CALD1: variants seen among roughly 807,000 people sequenced by gnomAD.
CALD1 encodes the protein caldesmon 1, also known as caldesmon.
A neutral mutation model predicts 99.9 loss-of-function variants in CALD1; 33 were observed. That is an observed-to-expected ratio of 0.33 (90% confidence interval 0.25 to 0.44). CALD1 has a LOEUF of 0.44. CALD1 is among the 20% of genes least tolerant of loss of function. The probability of loss-of-function intolerance (pLI) is 1.00; values close to 1 mark genes in which losing one functional copy is unlikely to be tolerated. For missense variants in CALD1, 861 were observed against 962.1 expected, an observed-to-expected ratio of 0.89 and a Z score of 1.39; for synonymous variants, 310 against 325.0, an observed-to-expected ratio of 0.95 and a Z score of 0.50.
At chr7:134,943,119 G>C (rs1806582966) in intron 7 of CALD1, among the ~76,000 whole-genome samples, 1 of 152,170 alleles carries the variant, frequency 6.6e-6, no homozygotes, top group Non-Finnish European at 1.5e-5. Flanking sequence ...AAGTAGAGAA[G>C]TATAGTTTTG....
chr7:134,826,715 A>T lies in CALD1; in HGVS notation c.-129-17169A>T, dbSNP rs118042600. Among the ~76,000 whole-genome samples the T allele has an allele frequency of 5.3e-5, 8 of 152,278 alleles. No homozygotes were observed. In the East Asian group the frequency reaches 1.5e-3, roughly 29 times the overall value. Reference sequence around the variant, plus strand: ...GATATGCCCAAATTGTTCCTGGATTATTCTTTCATTTCAGATCCAAATAAA... The same window carrying T: ...GATATGCCCAAATTGTTCCTGGATTTTTCTTTCATTTCAGATCCAAATAAA... On this transcript the variant is annotated intron_variant, in intron 1 of 14. Coordinates refer to ENST00000361675, the MANE Select transcript of CALD1 (RefSeq NM_033138.4).
intron 1 of CALD1, 91 bp downstream of exon 1, chr7:134,779,840 G>T: frequency 2.5e-6 from 1 of 396,022 alleles, no homozygotes; most frequent in Non-Finnish European, 4.4e-6. Context: ...TAAGGTAGCT[G>T]GAGATGCAAG....
intron 1 of CALD1, among the ~76,000 whole-genome samples, chr7:134,760,294 G>C (rs1796764861): frequency 6.6e-6 from 1 of 152,236 alleles, no homozygotes; most frequent in Non-Finnish European, 1.5e-5. Flanking sequence ...GCAGAAGAAT[G>C]GATTGAGGGT....
At position 134,862,417 on chromosome 7, in the gene CALD1, T is replaced by C. The variant is rs543652031; in HGVS notation, c.-41-5276T>C. 2.6e-5 allele frequency among the ~76,000 whole-genome samples: 4 copies of C among 152,302 alleles called. No individual in the cohort carries two copies. The South Asian group carries it at 8.3e-4, about 32-fold the overall frequency. On this transcript the variant is annotated intron_variant, in intron 2 of 14. Coordinates refer to ENST00000361675, the MANE Select transcript of CALD1 (RefSeq NM_033138.4). Reference sequence around the variant, plus strand: ...GCAGAGCTATCAGCCATGAAAAGACTTGAAGGAAACTTAAATGTGTGTTGT... The same window carrying C: ...GCAGAGCTATCAGCCATGAAAAGACCTGAAGGAAACTTAAATGTGTGTTGT...
At chr7:134,824,895 TC>T (rs1436806094) in intron 1 of CALD1, among the ~76,000 whole-genome samples, 1 of 152,168 alleles carries the variant, frequency 6.6e-6, no homozygotes, top group African/African-American at 2.4e-5. Context: ...AGATCTGAGC[TC>T]CAGGGCCTGA....
chr7:134,717,220 A>G, the CALD1 span, among the ~76,000 whole-genome samples: 1 of 152,148 alleles, frequency 6.6e-6, no homozygotes, highest in Non-Finnish European at 1.5e-5. Flanking sequence ...ATGAACTAAA[A>G]TCCATGGTTT....
chr7:134,916,335 G>A (rs532212870), intron 3 of CALD1, among the ~76,000 whole-genome samples: 1 of 152,184 alleles, frequency 6.6e-6, no homozygotes, highest in South Asian at 2.1e-4. Flanking sequence ...AGGGGTACAA[G>A]AGGGAGGAAC....
At chr7:134,937,276 T>G (rs1806052921) in intron 6 of CALD1, among the ~76,000 whole-genome samples, 1 of 152,202 alleles carries the variant, frequency 6.6e-6, no homozygotes, top group Non-Finnish European at 1.5e-5. Flanking sequence ...TCCTTTTGTC[T>G]CTTTTCAGAT....
chr7:134,904,819 G>A (rs1333809465), intron 3 of CALD1, among the ~76,000 whole-genome samples: 3 of 152,096 alleles, frequency 2.0e-5, no homozygotes, highest in Admixed American at 6.5e-5. Flanking sequence ...GAACAGAAAA[G>A]GGGATTATCC....
intron 3 of CALD1, among the ~76,000 whole-genome samples, chr7:134,878,571 GA>G (rs1209303200): frequency 1.3e-5 from 2 of 151,974 alleles, no homozygotes; most frequent in Non-Finnish European, 2.9e-5. Context: ...CCTGCCTCAA[GA>G]AAAAATAAAA....
chr7:134,777,338 A>AC (rs1796926361), upstream of CALD1, among the ~76,000 whole-genome samples: 1 of 152,220 alleles, frequency 6.6e-6, no homozygotes, highest in Non-Finnish European at 1.5e-5. Context: ...TCACTCATCT[A>AC]CTATACCCTA....
At chr7:134,931,112 C>A (rs1423460091) in intron 4 of CALD1, among the ~76,000 whole-genome samples, 5 of 150,874 alleles carry the variant, frequency 3.3e-5, no homozygotes, top group Non-Finnish European at 7.4e-5. Flanking sequence ...TTTAGAAAAT[C>A]ATATTGAGGT....
chr7:134,953,409 G>A (rs773195948), intron 9 of CALD1, among the ~76,000 whole-genome samples: 2 of 152,080 alleles, frequency 1.3e-5, no homozygotes. Context: ...CTGGGAGGCA[G>A]AGGTTAGCTG....
At position 134,891,540 on chromosome 7, in the gene CALD1, G is replaced by A; in HGVS notation, c.71+23736G>A. The A allele has an allele frequency of 2.6e-6, 4 of 1,533,256 alleles. No homozygotes were observed. In the South Asian group the frequency reaches 3.7e-5, roughly 14 times the overall value. The allele number at this position is 1,533,256 out of a possible 1,614,324, so 95.0% of individuals were successfully genotyped here. ...GCCACAGATCACATGGCCCCTCCGCGGGCCCAGCCCACGCCCTGACCGCCC... is the reference window on the plus strand; with the variant it reads ...GCCACAGATCACATGGCCCCTCCGCAGGCCCAGCCCACGCCCTGACCGCCC... On this transcript the variant is annotated intron_variant, in intron 3 of 14. Transcript: ENST00000361675.
At chr7:134,931,997 C>T (rs1446910800) in intron 4 of CALD1, among the ~76,000 whole-genome samples, 2 of 152,196 alleles carry the variant, frequency 1.3e-5, no homozygotes, top group Non-Finnish European at 2.9e-5. Flanking sequence ...AACCAGCCAC[C>T]TGTCTTCTTT....
At chr7:134,829,469 CAAGT>C (rs1412474725) in intron 1 of CALD1, among the ~76,000 whole-genome samples, 3 of 151,988 alleles carry the variant, frequency 2.0e-5, no homozygotes, top group Non-Finnish European at 4.4e-5. Context: ...AAGAATTATC[CAAGT>C]AAGAAGTATG....
intron 1 of CALD1, among the ~76,000 whole-genome samples, chr7:134,747,008 G>A (rs985504497): frequency 7.1e-6 from 1 of 141,108 alleles, no homozygotes; most frequent in African/African-American, 2.6e-5. Context: ...TAAAAGGAAC[G>A]TAGAGCTTAA....
At chr7:134,852,188 G>T (rs1804080850) in intron 2 of CALD1, among the ~76,000 whole-genome samples, 1 of 152,118 alleles carries the variant, frequency 6.6e-6, no homozygotes, top group Non-Finnish European at 1.5e-5. Flanking sequence ...GGGTGGTTCT[G>T]GGATAAAGAT....
At chr7:134,939,194 G>C (rs1299303837) in intron 6 of CALD1, among the ~76,000 whole-genome samples, 1 of 152,192 alleles carries the variant, frequency 6.6e-6, no homozygotes, top group Non-Finnish European at 1.5e-5. Context: ...TCTTGGGCAA[G>C]GACAGCCATC....
Sources: gnomAD v4.1 joint callset for allele counts (sites outside exome capture counted in the v4.1 genomes callset) on GRCh38, gnomAD v4.1.1 for gene constraint, MANE v1.5 for transcripts, NCBI Gene and HGNC (gene_info 2026-07-23, HGNC 2026-07-21) for gene names.